The following ILRUN variants were observed in gnomAD, a reference collection of about 807,000 sequenced individuals.
The protein encoded by ILRUN is inflammation and lipid regulator with UBA-like and NBR1-like domains.
A neutral mutation model predicts 33.8 loss-of-function variants in ILRUN; 3 were observed. That is an observed-to-expected ratio of 0.09 (90% CI 0.04 to 0.23). ILRUN has a LOEUF of 0.23. Among genes scored for constraint, ILRUN ranks in the 10% least tolerant of loss-of-function variants. The pLI, the probability that ILRUN is intolerant of heterozygous loss-of-function variation, is 1.00. For synonymous variants in ILRUN, 124 were observed against 138.9 expected, an observed-to-expected ratio of 0.89 and a Z score of 0.75; for missense variants, 210 against 375.1, an observed-to-expected ratio of 0.56 and a Z score of 3.64.
At chr6:34,642,832 A>AC (rs1389747129) in intron 3 of ILRUN, among the ~76,000 whole-genome samples, 2 of 148,508 alleles carry the variant, frequency 1.3e-5, no homozygotes, top group Non-Finnish European at 3.0e-5. Flanking sequence ...TACCAAAAAA[A>AC]AAAAAAAAAA....
chr6:34,680,625 G>T (rs944453356), intron 1 of ILRUN, among the ~76,000 whole-genome samples: 2 of 151,966 alleles, frequency 1.3e-5, no homozygotes, highest in Admixed American at 1.3e-4. Context: ...GCTAAATTTT[G>T]TATTTTTAGT....
intron 3 of ILRUN, among the ~76,000 whole-genome samples, chr6:34,637,209 T>TTATTTAGTAAA (rs1762381749): frequency 6.6e-6 from 1 of 152,198 alleles, no homozygotes; most frequent in Non-Finnish European, 1.5e-5. Flanking sequence ...ACACTTTAAC[T>TTATTTAGTAAA]ATATCTGGCC....
chr6:34,593,291 T>C (rs1195279527), intron 4 of ILRUN, among the ~76,000 whole-genome samples: 1 of 152,212 alleles, frequency 6.6e-6, no homozygotes, highest in East Asian at 1.9e-4. Context: ...ATTTACCCCT[T>C]TACCCTAAAT....
intron 4 of ILRUN, among the ~76,000 whole-genome samples, chr6:34,598,548 A>AAAAT (rs1302360896): frequency 1.3e-5 from 2 of 152,226 alleles, no homozygotes; most frequent in African/African-American, 4.8e-5. Flanking sequence ...CCTTATAACC[A>AAAAT]AAATAAAACA....
intron 3 of ILRUN, among the ~76,000 whole-genome samples, chr6:34,624,794 CT>C (rs747359098): frequency 1.3e-5 from 2 of 152,146 alleles, no homozygotes; most frequent in Non-Finnish European, 2.9e-5. Flanking sequence ...TTAAAAGAAA[CT>C]CAAACCCTAT....
At chr6:34,612,222 TATGGCAACACCAGCC>T (rs1761771702) in intron 3 of ILRUN, among the ~76,000 whole-genome samples, 2 of 84,672 alleles carry the variant, frequency 2.4e-5, no homozygotes, top group Admixed American at 2.1e-4. Context: ...GCGACCAGCC[TATGGCAACACCAGCC>T]TAGGCAACAA....
chr6:34,632,553 A>AT (rs1219435236), intron 3 of ILRUN, among the ~76,000 whole-genome samples: 24,193 of 136,686 alleles, frequency 0.18, 3,058 homozygotes, highest in African/African-American at 0.33. Context: ...AGAGCAAATA[A>AT]TTTTTTTTTT....
chr6:34,620,150 G>A (rs753071322), intron 3 of ILRUN, among the ~76,000 whole-genome samples: 4 of 152,070 alleles, frequency 2.6e-5, no homozygotes, highest in Admixed American at 2.0e-4. Context: ...GCTGAAGGGG[G>A]CAGGGATGGA....
At chr6:34,691,079 G>A (rs1763640751) in intron 1 of ILRUN, among the ~76,000 whole-genome samples, 2 of 151,882 alleles carry the variant, frequency 1.3e-5, no homozygotes, top group South Asian at 2.1e-4. Context: ...TAGTAGAGAC[G>A]GGGTTCCACC....
Position 34,676,950 on chromosome 6 carries a change from G to A in ILRUN, c.158+19496C>T, listed in dbSNP as rs569567721. Reference sequence around the variant, plus strand: ...GGGCATACCTTGACCTGCCAATTCCGCTTCTCGGAATTTGCCCCAAATAAA... The same window carrying A: ...GGGCATACCTTGACCTGCCAATTCCACTTCTCGGAATTTGCCCCAAATAAA... On this transcript the variant is annotated intron_variant, in intron 1 of 4. Transcript: ENST00000374023. 1.0e-4 allele frequency among the ~76,000 whole-genome samples: 15 copies of A among 149,576 alleles called. No homozygotes were observed. In the East Asian group the frequency reaches 1.8e-3, roughly 18 times the overall value.
intron 4 of ILRUN, among the ~76,000 whole-genome samples, chr6:34,601,911 T>C (rs983127045): frequency 6.6e-6 from 1 of 151,900 alleles, no homozygotes; most frequent in African/African-American, 2.4e-5. Context: ...GGGAAGAGAA[T>C]AAGCACAAAA....
chr6:34,662,972 T>C (rs1017785039), intron 1 of ILRUN, among the ~76,000 whole-genome samples: 2 of 152,130 alleles, frequency 1.3e-5, no homozygotes, highest in African/African-American at 4.8e-5. Flanking sequence ...TGTGCACCTA[T>C]AGTCACAGCT....
chr6:34,657,578 G>C (rs745775956), intron 1 of ILRUN, among the ~76,000 whole-genome samples: 1 of 152,184 alleles, frequency 6.6e-6, no homozygotes, highest in Non-Finnish European at 1.5e-5. Flanking sequence ...CTGGAATCCT[G>C]GCAGGAAGCT....
intron 3 of ILRUN, among the ~76,000 whole-genome samples, chr6:34,620,895 G>C (rs1761999253): frequency 6.6e-6 from 1 of 152,142 alleles, no homozygotes; most frequent in East Asian, 1.9e-4. Flanking sequence ...GATAAGACCG[G>C]ACACTAACTT....
intron 1 of ILRUN, among the ~76,000 whole-genome samples, chr6:34,673,937 G>T (rs1199793069): frequency 3.1e-5 from 3 of 97,236 alleles, no homozygotes; most frequent in South Asian, 2.8e-4. Context: ...ACACACACAC[G>T]AAAACTGATT....
intron 3 of ILRUN, among the ~76,000 whole-genome samples, chr6:34,626,276 A>G (rs1762127532): frequency 6.6e-6 from 1 of 152,114 alleles, no homozygotes; most frequent in South Asian, 2.1e-4. Context: ...AGCTCAAACA[A>G]TCTTCCCACA....
intron 1 of ILRUN, chr6:34,685,274 A>C (rs1045909120): frequency 1.5e-4 from 23 of 152,224 alleles, no homozygotes; most frequent in Non-Finnish European, 2.9e-4. Context: ...TGGGAGACCA[A>C]AAACTGGCTG....
intron 4 of ILRUN, among the ~76,000 whole-genome samples, chr6:34,606,169 A>G (rs1199949316): frequency 6.6e-6 from 1 of 152,216 alleles, no homozygotes; most frequent in Non-Finnish European, 1.5e-5. Context: ...GGCCATAAGG[A>G]CTGAAAAGAC....
At position 34,693,603 on chromosome 6, in the gene ILRUN, T is replaced by A. The variant is rs1318773831; in HGVS notation, c.158+2843A>T. Among the ~76,000 whole-genome samples, 12 of 152,204 alleles carry A rather than the reference T, an allele frequency of 7.9e-5. No individual in the cohort carries two copies. In the South Asian group the frequency reaches 2.5e-3, roughly 32 times the overall value. On this transcript the variant is annotated intron_variant, in intron 1 of 4. Transcript: ENST00000374023. The stretch of plus-strand genomic sequence containing the variant: ...ACAGAAATAACATGTCATCAACATA[T>A]ATGCTACTCCATGGCTTTGAGCATA...
Sources: gnomAD v4.1 joint callset for allele counts (sites outside exome capture counted in the v4.1 genomes callset) on GRCh38, gnomAD v4.1.1 for gene constraint, MANE v1.5 for transcripts, NCBI Gene and HGNC (gene_info 2026-07-23, HGNC 2026-07-21) for gene names.